The following PIGX variants were observed in gnomAD, a reference collection of about 807,000 sequenced individuals.
PIGX encodes phosphatidylinositol glycan anchor biosynthesis class X.
In PIGX, 24 loss-of-function variants were observed where a neutral mutation model predicts 28.7. The observed-to-expected ratio is 0.84, with a 90% CI of 0.60 to 1.17. The LOEUF is 1.17. Ranked by LOEUF, PIGX falls within the 50% of genes most tolerant of loss-of-function variation. The pLI is 0.00. For synonymous variants in PIGX, 127 were observed against 121.0 expected (o/e 1.05, Z -0.33); for missense variants, 305 against 317.8 (o/e 0.96, Z 0.31).
In PIGX at chr3:196,712,662, T is replaced by TG. The variant is rs914694749; in HGVS notation, c.112+24dup. The TG allele has an allele frequency of 1.4e-4, 161 of 1,182,128 alleles. No homozygotes were observed. Among genetic ancestry groups the TG allele is most frequent in the Middle Eastern group, 1.0e-3 (3 of 2,932 alleles). 73.2% of individuals were successfully genotyped at this position (1,182,128 alleles called of 1,614,324 possible). A position where few individuals can be genotyped will look rare whatever the true frequency, so the allele number is the denominator to read the frequency against. ...TGACGCCGGTAAGGGGGGCGGGGCT[T>TG]GGGGGGCCAGAGCGTGGGAGCGGTC... On this transcript the variant is annotated intron_variant, in intron 1 of 5. Coordinates refer to ENST00000392391, the MANE Select transcript of PIGX (RefSeq NM_017861.4).
chr3:196,718,949 C>T (rs1712204366), intron 2 of PIGX, among the ~76,000 whole-genome samples: 1 of 152,086 alleles, frequency 6.6e-6, no homozygotes, highest in South Asian at 2.1e-4. Flanking sequence ...GACAATATTC[C>T]TTGTCCCGAA....
intron 1 of PIGX, chr3:196,712,877 A>C (rs1473449128): frequency 9.3e-7 from 1 of 1,077,022 alleles, no homozygotes; most frequent in Non-Finnish European, 1.1e-6. Flanking sequence ...CCCAGGCTGG[A>C]CTGGCCGCCC....
At chr3:196,716,145 C>T (rs929119204) in intron 1 of PIGX, among the ~76,000 whole-genome samples, 2 of 152,202 alleles carry the variant, frequency 1.3e-5, no homozygotes, top group Non-Finnish European at 2.9e-5. Context: ...CGAGCTGGCA[C>T]ACCTGGCTCA....
chr3:196,721,429 C>T (rs1712318082), intron 2 of PIGX: 2 of 164,460 alleles, frequency 1.2e-5, no homozygotes, highest in Non-Finnish European at 2.6e-5. Context: ...AATATCTTCT[C>T]TCTCTCTCTC....
chr3:196,721,024 A>G (rs1712302060), intron 2 of PIGX, among the ~76,000 whole-genome samples: 1 of 152,120 alleles, frequency 6.6e-6, no homozygotes. Context: ...TTGACTGGAT[A>G]ATAATGTGCC....
intron 5 of PIGX, among the ~76,000 whole-genome samples, chr3:196,732,256 A>ATT (rs1292188907): frequency 4.3e-5 from 1 of 23,252 alleles, no homozygotes; most frequent in East Asian, 2.5e-3. Context: ...ATATATATAT[A>ATT]TTTTATTTTA....
intron 2 of PIGX, among the ~76,000 whole-genome samples, chr3:196,718,581 C>A (rs545884590): frequency 6.6e-6 from 1 of 152,008 alleles, no homozygotes; most frequent in South Asian, 2.1e-4. Context: ...CTTGGTCATG[C>A]GATATTATCT....
chr3:196,720,368 T>C (rs1000058493), intron 2 of PIGX, among the ~76,000 whole-genome samples: 2 of 152,280 alleles, frequency 1.3e-5, no homozygotes, highest in African/African-American at 4.8e-5. Flanking sequence ...TTTTAGGGTA[T>C]GTGAGAATTT....
At chr3:196,716,244 C>T (rs1712093020) in intron 1 of PIGX, among the ~76,000 whole-genome samples, 1 of 150,130 alleles carries the variant, frequency 6.7e-6, no homozygotes, top group Non-Finnish European at 1.5e-5. Context: ...CCCGTTGAAC[C>T]TTTACGTGCC....
chr3:196,732,256 A>ATATAT (rs1438652673), intron 5 of PIGX, among the ~76,000 whole-genome samples: 1 of 23,252 alleles, frequency 4.3e-5, no homozygotes. Context: ...ATATATATAT[A>ATATAT]TTTTATTTTA....
chr3:196,715,195 A>G (rs1466252267), intron 1 of PIGX, among the ~76,000 whole-genome samples: 2 of 152,258 alleles, frequency 1.3e-5, no homozygotes, highest in Non-Finnish European at 2.9e-5. Flanking sequence ...TGCTTCTCCA[A>G]AGCAAATACA....
intron 4 of PIGX, chr3:196,728,664 A>G: frequency 1.3e-6 from 1 of 766,364 alleles, no homozygotes; most frequent in Admixed American, 1.7e-5. Context: ...AATTGGACTC[A>G]TGTTCCTCAT....
At chr3:196,729,831 A>T (rs1294981708) in intron 4 of PIGX, among the ~76,000 whole-genome samples, 2 of 151,136 alleles carry the variant, frequency 1.3e-5, no homozygotes, top group African/African-American at 4.9e-5. Context: ...GCACTTTGGG[A>T]GGCCGAGGCA....
Position 196,722,488 on chromosome 3 carries a change from G to A in PIGX, c.250G>A (p.Asp84Asn). 1 of 1,612,896 alleles carries A rather than the reference G, an allele frequency of 6.2e-7. No individual in the cohort carries two copies. The change falls in exon 3 of 6, where the codon GAC becomes AAC. Residue 84 changes from aspartate to asparagine, a missense_variant. Coordinates refer to ENST00000392391, the MANE Select transcript of PIGX (RefSeq NM_017861.4). ...CACCTGCCGTCTCTTAATTAAACAGGACATTCCTGCAGGACTTTATGTGGA... is the reference window on the plus strand; with the variant it reads ...CACCTGCCGTCTCTTAATTAAACAGAACATTCCTGCAGGACTTTATGTGGA...
chr3:196,718,200 C>T (rs548338358), intron 2 of PIGX, among the ~76,000 whole-genome samples: 1 of 152,048 alleles, frequency 6.6e-6, no homozygotes, highest in South Asian at 2.1e-4. Context: ...ATCCCAGCTA[C>T]TCAGGAAGCT....
rs996418927 is a variant in PIGX at position 196,712,633 on chromosome 3, G to C, written c.101G>C (p.Arg34Pro). ...CCCGCCGCGGCCTTCACCGCCGCGC[G>C]CTCTGACGCCGGTAAGGGGGGCGGG... Residue 34 changes from arginine (R) to proline (P), a missense_variant, in exon 1 of 6, where the codon CGC (arginine) becomes CCC (proline). By Grantham distance (103) the Arg-to-Pro change is moderately radical (BLOSUM62 -2). Coordinates refer to ENST00000392391, the MANE Select transcript of PIGX (RefSeq NM_017861.4). 1.7e-6 allele frequency: 2 copies of C among 1,189,170 alleles called. No individual in the cohort carries two copies. Among genetic ancestry groups the C allele is most frequent in the Admixed American group, 4.5e-5 (1 of 22,236 alleles). 73.7% of individuals were successfully genotyped at this position (1,189,170 alleles called of 1,614,324 possible).
intron 2 of PIGX, among the ~76,000 whole-genome samples, chr3:196,718,547 A>G (rs1207924608): frequency 4.6e-5 from 7 of 152,090 alleles, no homozygotes; most frequent in Non-Finnish European, 1.0e-4. Context: ...AAGTACATTG[A>G]TGTTTCCAGT....
At chr3:196,726,337 A>G (rs1356339822) in intron 3 of PIGX, among the ~76,000 whole-genome samples, 1 of 151,752 alleles carries the variant, frequency 6.6e-6, no homozygotes, top group Non-Finnish European at 1.5e-5. Flanking sequence ...TAGGCAGCTC[A>G]TGCCTATTAT....
intron 4 of PIGX, among the ~76,000 whole-genome samples, chr3:196,730,531 C>T (rs1712704934): frequency 6.6e-6 from 1 of 151,814 alleles, no homozygotes; most frequent in South Asian, 2.1e-4. Flanking sequence ...GGGTGGATCA[C>T]GAGGTCAGGA....
Sources: allele counts gnomAD v4.1 joint callset (sites outside exome capture counted in the v4.1 genomes callset), GRCh38; gene constraint gnomAD v4.1.1; transcripts MANE v1.5; gene names NCBI Gene and HGNC (gene_info 2026-07-23, HGNC 2026-07-21).